MON2: variants seen among roughly 807,000 people sequenced by gnomAD.
MON2 encodes MON2 regulator of endosome-to-Golgi trafficking.
In MON2, 84 loss-of-function variants were observed where a neutral mutation model predicts 208.6. The observed-to-expected ratio is 0.40, with a 90% confidence interval of 0.34 to 0.48. MON2 has a LOEUF of 0.48. MON2 is among the 20% of genes least tolerant of loss of function. The pLI is 0.59. For missense variants in MON2, 1,611 were observed against 2,015.4 expected, an observed-to-expected ratio of 0.80 and a Z score of 3.84; for synonymous variants, 660 against 694.0, an observed-to-expected ratio of 0.95 and a Z score of 0.77.
chr12:62,472,175 T>A (rs1335051954), intron 1 of MON2, among the ~76,000 whole-genome samples: 3 of 152,092 alleles, frequency 2.0e-5, no homozygotes, highest in African/African-American at 7.2e-5. Flanking sequence ...TAGTTTGGAT[T>A]GACTGGATGA....
intron 1 of MON2, among the ~76,000 whole-genome samples, chr12:62,468,765 GAATT>G (rs1187309388): frequency 7.2e-5 from 11 of 152,132 alleles, no homozygotes; most frequent in Admixed American, 3.9e-4. Flanking sequence ...GAATTTTAAA[GAATT>G]AAGTTGTTTT....
In MON2 at chr12:62,599,440, T is replaced by TA. The variant is rs1189151138; in HGVS notation, c.*6695dup. The TA allele has an allele frequency of 6.6e-6, 1 of 152,196 alleles. No individual in the cohort carries two copies. Among genetic ancestry groups the TA allele is most frequent in the Non-Finnish European group, 1.5e-5 (1 of 68,022 alleles). The allele number at this position is 152,196 out of a possible 1,614,324, so 9.4% of individuals were successfully genotyped here. ...CTTTTTTTGTTATGTAATGAAAGTATAAAACAAGAATTTGTACGTTACTCA... is the reference window on the plus strand; with the variant it reads ...CTTTTTTTGTTATGTAATGAAAGTATAAAAACAAGAATTTGTACGTTACTCA... On this transcript the variant is annotated 3_prime_UTR_variant, in exon 35 of 35. Transcript: ENST00000393630.
Position 62,553,299 on chromosome 12 carries a change from C to G in MON2, c.3210+125C>G, listed in dbSNP as rs1592377602. 1.5e-5 allele frequency: 13 copies of G among 877,198 alleles called. No homozygotes were observed. The East Asian group carries it at 3.5e-4, about 24-fold the overall frequency. The allele number at this position is 877,198 out of a possible 1,614,324, so 54.3% of individuals were successfully genotyped here. On this transcript the variant is annotated intron_variant, in intron 24 of 34. Transcript: ENST00000393630. ...CCATGCATTTGTGTATTTGACAAAACAGGAAATAACTGTGTCATATTGTAA... is the reference window on the plus strand; with the variant it reads ...CCATGCATTTGTGTATTTGACAAAAGAGGAAATAACTGTGTCATATTGTAA...
chr12:62,545,238 CTGG>C (rs2073429707), intron 21 of MON2, among the ~76,000 whole-genome samples: 1 of 151,722 alleles, frequency 6.6e-6, no homozygotes, highest in Non-Finnish European at 1.5e-5. Flanking sequence ...GTTAAATTAC[CTGG>C]AATTGGTCTC....
rs917762506 is a variant in MON2, at chr12:62,598,710, A to G, written c.*5961A>G. 2 of 152,138 alleles carry G rather than the reference A, an allele frequency of 1.3e-5. No homozygotes were observed. The highest frequency in any genetic ancestry group is 4.8e-5 in the African/African-American group (2 of 41,428). 9.4% of individuals were successfully genotyped at this position (152,138 alleles called of 1,614,324 possible). On this transcript the variant is annotated 3_prime_UTR_variant, in exon 35 of 35. Coordinates refer to ENST00000393630, the MANE Select transcript of MON2 (RefSeq NM_015026.3). ...ACCACTGTTGTTACTCTTTCTCCTT[A>G]CAATTTTTATGTTGTTGAGATGTAT...
intron 2 of MON2, among the ~76,000 whole-genome samples, chr12:62,487,950 A>G (rs2069893361): frequency 6.6e-6 from 1 of 152,104 alleles, no homozygotes; most frequent in Non-Finnish European, 1.5e-5. Flanking sequence ...TTTCTTCTAG[A>G]TGACTTACTC....
chr12:62,554,834 G>A (rs2073897980), intron 24 of MON2, among the ~76,000 whole-genome samples: 2 of 152,092 alleles, frequency 1.3e-5, no homozygotes, highest in South Asian at 4.2e-4. Context: ...TTACCTTTGT[G>A]TGTGTGTGTT....
chr12:62,477,522 C>T lies in MON2; in HGVS notation c.112-6648C>T, dbSNP rs61921907. Among the ~76,000 whole-genome samples the T allele has an allele frequency of 8.2e-4, 125 of 152,116 alleles. No homozygotes were observed. The Middle Eastern group carries it at 0.01, about 12-fold the overall frequency. ...CTCACTGTAGCCTCGACCTCCTGAG[C>T]TCCCACCTCAGCCTCTCGAGTATCT... On this transcript the variant is annotated intron_variant, in intron 1 of 34. Coordinates refer to ENST00000393630, the MANE Select transcript of MON2 (RefSeq NM_015026.3).
intron 24 of MON2, among the ~76,000 whole-genome samples, chr12:62,554,379 G>A (rs2073875678): frequency 6.6e-6 from 1 of 152,132 alleles, no homozygotes; most frequent in Non-Finnish European, 1.5e-5. Context: ...ATTTTGGCCT[G>A]GAGTGAGTCC....
At chr12:62,479,440 C>G (rs1352506672) in intron 1 of MON2, among the ~76,000 whole-genome samples, 5 of 146,228 alleles carry the variant, frequency 3.4e-5, no homozygotes, top group African/African-American at 1.0e-4. Flanking sequence ...ATCCCCCCCC[C>G]CCCCCAAATA....
chr12:62,549,572 A>G lies in MON2; in HGVS notation c.2754-96A>G, dbSNP rs2073653242. 1.7e-5 allele frequency: 19 copies of G among 1,091,190 alleles called. 1 individual carries two copies. In the South Asian group the frequency reaches 3.0e-4, roughly 17 times the overall value. 67.6% of individuals were successfully genotyped at this position (1,091,190 alleles called of 1,614,324 possible). A position where few individuals can be genotyped will look rare whatever the true frequency, so the allele number is the denominator to read the frequency against. ...GTTGAGAGTGAGGCATGATCGCACCACTGCACTCCAACCTGAGTGGCAGAG... is the reference window on the plus strand; with the variant it reads ...GTTGAGAGTGAGGCATGATCGCACCGCTGCACTCCAACCTGAGTGGCAGAG... On this transcript the variant is annotated intron_variant, in intron 22 of 34. Transcript: ENST00000393630.
At chr12:62,506,531 G>C (rs1309991165) in intron 7 of MON2, among the ~76,000 whole-genome samples, 2 of 152,182 alleles carry the variant, frequency 1.3e-5, no homozygotes, top group Non-Finnish European at 2.9e-5. Context: ...GGTCAGGAGA[G>C]CCTGCCCAAC....
chr12:62,533,159 T>C (rs1232064769), intron 12 of MON2, among the ~76,000 whole-genome samples: 1 of 152,236 alleles, frequency 6.6e-6, no homozygotes, highest in Non-Finnish European at 1.5e-5. Flanking sequence ...CCTTCATAAT[T>C]ACATTCAGCT....
intron 3 of MON2, among the ~76,000 whole-genome samples, chr12:62,494,353 G>A (rs10877861): frequency 0.82 from 124,582 of 152,102 alleles, 51,209 homozygotes; most frequent in African/African-American, 0.88. Flanking sequence ...AGGGAAGAGC[G>A]TGACTCTCTT....
At chr12:62,570,563 C>A (rs367619574) in intron 29 of MON2, among the ~76,000 whole-genome samples, 39 of 152,156 alleles carry the variant, frequency 2.6e-4, no homozygotes, top group African/African-American at 8.7e-4. Context: ...TGTACTTACA[C>A]AAACCTAGAT....
In MON2 at chr12:62,598,177, TTCACCCAGAGG is replaced by T. The variant is rs1212541629; in HGVS notation, c.*5443_*5453del. 5.9e-5 allele frequency: 9 copies of T among 152,172 alleles called. No homozygotes were observed. The highest frequency in any genetic ancestry group is 1.0e-4 in the Non-Finnish European group (7 of 68,020). The allele number at this position is 152,172 out of a possible 1,614,324, so 9.4% of individuals were successfully genotyped here. A position where few individuals can be genotyped will look rare whatever the true frequency, so the allele number is the denominator to read the frequency against. On this transcript the variant is annotated 3_prime_UTR_variant, in exon 35 of 35. Transcript: ENST00000393630. ...GTGTATTTGGTGTCTGTGTGATTGG[TTCACCCAGAGG>T]TCACCCAGAGGTCAATTGAAACCTT...
At chr12:62,566,266 A>G (rs2074383628) in intron 28 of MON2, 56 bp from the exon 29 acceptor site, 3 of 1,567,338 alleles carry the variant, frequency 1.9e-6, no homozygotes, top group South Asian at 2.4e-5. Flanking sequence ...TGAAAACAAT[A>G]TGATTAATTT....
At chr12:62,515,285 T>C (rs774115097) in intron 8 of MON2, among the ~76,000 whole-genome samples, 2 of 152,280 alleles carry the variant, frequency 1.3e-5, no homozygotes, top group South Asian at 2.1e-4. Flanking sequence ...TGTATACATA[T>C]GTTGGAATAT....
rs187121386 is a variant in MON2 at position 62,583,374 on chromosome 12, A to G, written c.4700-1920A>G. The stretch of plus-strand genomic sequence containing the variant: ...AGACGAGAAAGAACTCATAGAAACT[A>G]AAGATGTAGAGTTCAGTGAAAGGTA... On this transcript the variant is annotated intron_variant, in intron 32 of 34. Coordinates refer to ENST00000393630, the MANE Select transcript of MON2 (RefSeq NM_015026.3). Among the ~76,000 whole-genome samples the G allele has an allele frequency of 2.6e-3, 356 of 137,486 alleles. 1 individual carries two copies. The highest frequency in any genetic ancestry group is 2.9e-3 in the Non-Finnish European group (187 of 63,506). 90.2% of individuals were successfully genotyped at this position (137,486 alleles called of 152,430 possible). A position where few individuals can be genotyped will look rare whatever the true frequency, so the allele number is the denominator to read the frequency against.
Sources: allele counts gnomAD v4.1 joint callset (sites outside exome capture counted in the v4.1 genomes callset), GRCh38; gene constraint gnomAD v4.1.1; transcripts MANE v1.5; gene names NCBI Gene and HGNC (gene_info 2026-07-23, HGNC 2026-07-21).